The following CTNNA3 variants were observed in gnomAD, a reference collection of about 807,000 sequenced individuals.
The protein encoded by CTNNA3 is catenin alpha 3, also known as catenin alpha-3.
A neutral mutation model predicts 95.7 loss-of-function variants in CTNNA3; 76 were observed. The ratio of observed to expected loss-of-function variants is 0.79; its 90% CI spans 0.66 to 0.96. The LOEUF is 0.96. Ranked by LOEUF, CTNNA3 falls within the 40% of genes least tolerant of loss-of-function variation. CTNNA3 has a pLI of 0.00. For synonymous variants in CTNNA3, 431 were observed against 374.4 expected (o/e 1.15, Z -1.74); for missense variants, 1,191 against 1,089.8 (o/e 1.09, Z -1.31).
intron 13 of CTNNA3, among the ~76,000 whole-genome samples, chr10:66,232,924 G>A (rs10822763): frequency 0.21 from 32,448 of 151,848 alleles, 3,664 homozygotes; most frequent in South Asian, 0.29. Flanking sequence ...TTGGGAGGCC[G>A]AGGCGGGCGG....
chr10:66,834,052 T>A (rs1366152705), intron 7 of CTNNA3, among the ~76,000 whole-genome samples: 1 of 152,162 alleles, frequency 6.6e-6, no homozygotes, highest in African/African-American at 2.4e-5. Context: ...GTTCTTTCAA[T>A]GACACACTCA....
At chr10:66,135,648 G>T (rs541527279) in intron 13 of CTNNA3, among the ~76,000 whole-genome samples, 4 of 152,138 alleles carry the variant, frequency 2.6e-5, no homozygotes, top group Non-Finnish European at 5.9e-5. Context: ...GAACAACAAG[G>T]ATGTTACTAT....
intron 7 of CTNNA3, among the ~76,000 whole-genome samples, chr10:67,052,341 TC>T (rs1564856998): frequency 4.0e-4 from 60 of 151,686 alleles, no homozygotes; most frequent in Non-Finnish European, 4.3e-4. Context: ...TCTCTCTCTC[TC>T]TCTCTCTCTC....
chr10:66,979,713 AT>A (rs900460835), intron 7 of CTNNA3, among the ~76,000 whole-genome samples: 12 of 152,218 alleles, frequency 7.9e-5, no homozygotes, highest in African/African-American at 2.9e-4. Context: ...TTGTGCACAC[AT>A]TGAGTGCCCA....
intron 7 of CTNNA3, among the ~76,000 whole-genome samples, chr10:66,948,919 T>C (rs1848403999): frequency 6.6e-6 from 1 of 152,160 alleles, no homozygotes; most frequent in Admixed American, 6.5e-5. Context: ...TTAATTAGGC[T>C]TTGTATTAAT....
At chr10:66,652,943 G>T (rs6480191) in intron 9 of CTNNA3, among the ~76,000 whole-genome samples, 100,215 of 151,948 alleles carry the variant, frequency 0.66, 33,941 homozygotes, top group East Asian at 0.95. Context: ...ATATCCTTTT[G>T]CAATAAAAAT....
Position 66,228,426 on chromosome 10 carries a change from C to T in CTNNA3, c.1884+52044G>A, listed in dbSNP as rs1280561289. ...TCTTAATTTTTTATTAACTAATTGACCATTCAGGGGCACGTTGTTTGATTT... is the reference window on the plus strand; with the variant it reads ...TCTTAATTTTTTATTAACTAATTGATCATTCAGGGGCACGTTGTTTGATTT... On this transcript the variant is annotated intron_variant, in intron 13 of 17. Coordinates refer to ENST00000433211, the MANE Select transcript of CTNNA3 (RefSeq NM_013266.4). Among the ~76,000 whole-genome samples, 5 of 151,904 alleles carry T rather than the reference C, an allele frequency of 3.3e-5. No individual in the cohort carries two copies. The South Asian group carries it at 6.2e-4, about 19-fold the overall frequency.
chr10:65,964,108 C>T (rs2077908544), intron 17 of CTNNA3, among the ~76,000 whole-genome samples: 1 of 152,116 alleles, frequency 6.6e-6, no homozygotes, highest in South Asian at 2.1e-4. Context: ...TGTCTCTCTG[C>T]TTTGGAATCA....
chr10:67,228,366 G>A (rs1052781988), intron 5 of CTNNA3, among the ~76,000 whole-genome samples: 2 of 152,152 alleles, frequency 1.3e-5, no homozygotes, highest in Admixed American at 6.5e-5. Context: ...GGTAATCCCA[G>A]CACTTTGGGA....
intron 5 of CTNNA3, among the ~76,000 whole-genome samples, chr10:67,386,145 T>C (rs555824874): frequency 6.6e-6 from 1 of 152,258 alleles, no homozygotes; most frequent in African/African-American, 2.4e-5. Context: ...ATAAATTAGG[T>C]ATAGGGTTAG....
At chr10:66,623,620 A>G (rs1256558472) in intron 9 of CTNNA3, among the ~76,000 whole-genome samples, 1 of 152,112 alleles carries the variant, frequency 6.6e-6, no homozygotes, top group African/African-American at 2.4e-5. Flanking sequence ...CTGCTCAGTC[A>G]TCATACTAAC....
chr10:66,085,658 T>G (rs1436749965), intron 14 of CTNNA3, among the ~76,000 whole-genome samples: 1 of 152,100 alleles, frequency 6.6e-6, no homozygotes, highest in East Asian at 1.9e-4. Flanking sequence ...AGAATCTAAG[T>G]TTTAAGTGCT....
chr10:67,307,982 A>G (rs1840625839), intron 5 of CTNNA3, among the ~76,000 whole-genome samples: 1 of 152,200 alleles, frequency 6.6e-6, no homozygotes. Context: ...AACTACCACT[A>G]AGAGGAATAA....
At position 67,139,299 on chromosome 10, in the gene CTNNA3, ATTTTTTTTT is replaced by A. The variant is rs60290459; in HGVS notation, c.1047+41009_1047+41017del. Among the ~76,000 whole-genome samples, 273 of 117,906 alleles carry A rather than the reference ATTTTTTTTT, an allele frequency of 2.3e-3. 1 individual carries two copies. Among genetic ancestry groups the A allele is most frequent in the African/African-American group, 8.8e-3 (264 of 30,026 alleles). 77.4% of individuals were successfully genotyped at this position (117,906 alleles called of 152,430 possible). A position where few individuals can be genotyped will look rare whatever the true frequency, so the allele number is the denominator to read the frequency against. On this transcript the variant is annotated intron_variant, in intron 7 of 17. Coordinates refer to ENST00000433211, the MANE Select transcript of CTNNA3 (RefSeq NM_013266.4). ...AGGCACATGCCACCACGCCCGGCTAATTTTTTTTTTTTTTTTTTTTTGTATTTGTAGTAC... is the reference window on the plus strand; with the variant it reads ...AGGCACATGCCACCACGCCCGGCTAATTTTTTTTTTTTGTATTTGTAGTAC...
chr10:66,851,199 T>C (rs955445856), intron 7 of CTNNA3, among the ~76,000 whole-genome samples: 5 of 152,088 alleles, frequency 3.3e-5, no homozygotes, highest in Non-Finnish European at 5.9e-5. Context: ...CCCCAAACAC[T>C]TTATGAGCAT....
intron 12 of CTNNA3, among the ~76,000 whole-genome samples, chr10:66,309,546 C>A (rs1292231417): frequency 1.3e-5 from 2 of 151,280 alleles, no homozygotes; most frequent in African/African-American, 2.4e-5. Context: ...AAATAATAGC[C>A]GGGCATGGTG....
chr10:67,437,083 C>T (rs1476914284), intron 5 of CTNNA3, among the ~76,000 whole-genome samples: 1 of 152,158 alleles, frequency 6.6e-6, no homozygotes, highest in Non-Finnish European at 1.5e-5. Context: ...AAATGCCCAT[C>T]AATCAATGAG....
At chr10:66,718,895 A>C (rs1848539227) in intron 9 of CTNNA3, among the ~76,000 whole-genome samples, 1 of 152,092 alleles carries the variant, frequency 6.6e-6, no homozygotes, top group Non-Finnish European at 1.5e-5. Context: ...AAATAACTTT[A>C]TTTTCCCTTT....
intron 7 of CTNNA3, among the ~76,000 whole-genome samples, chr10:66,909,915 G>A (rs1474173449): frequency 6.6e-6 from 1 of 152,062 alleles, no homozygotes; most frequent in Non-Finnish European, 1.5e-5. Context: ...TCTGTTAAAA[G>A]TAGAATTCAG....
Sources: gnomAD v4.1 joint callset for allele counts (sites outside exome capture counted in the v4.1 genomes callset) on GRCh38, gnomAD v4.1.1 for gene constraint, MANE v1.5 for transcripts, NCBI Gene and HGNC (gene_info 2026-07-23, HGNC 2026-07-21) for gene names.